The following CTIF variants were observed in gnomAD, a reference collection of about 807,000 sequenced individuals.
CTIF encodes CBP80/20-dependent translation initiation factor.
In CTIF, 21 loss-of-function variants were observed where a neutral mutation model predicts 66.0. That is an observed-to-expected ratio of 0.32 (90% CI 0.23 to 0.46). The LOEUF is 0.46. Ranked by LOEUF, CTIF falls within the 20% of genes least tolerant of loss-of-function variation. CTIF has a pLI of 1.00. For missense variants in CTIF, 739 were observed against 812.7 expected (o/e 0.91, Z 1.10); for synonymous variants, 345 against 326.4 (o/e 1.06, Z -0.62).
intron 1 of CTIF, among the ~76,000 whole-genome samples, chr18:48,618,655 G>A (rs910081943): frequency 6.6e-6 from 1 of 152,194 alleles, no homozygotes; most frequent in Non-Finnish European, 1.5e-5. Context: ...AGCAGAGAGG[G>A]CGGTGGCGGT....
intron 6 of CTIF, among the ~76,000 whole-genome samples, chr18:48,706,373 G>A (rs934351853): frequency 4.6e-5 from 7 of 152,156 alleles, no homozygotes; most frequent in African/African-American, 1.4e-4. Flanking sequence ...GTGGCTGGGA[G>A]CCTGTTGCCT....
At chr18:48,746,957 C>T (rs1907275317) in intron 7 of CTIF, among the ~76,000 whole-genome samples, 1 of 152,152 alleles carries the variant, frequency 6.6e-6, no homozygotes. Flanking sequence ...TCACCAGACC[C>T]CATGTCTCGC....
intron 1 of CTIF, among the ~76,000 whole-genome samples, chr18:48,608,447 G>A (rs2090245001): frequency 6.6e-6 from 1 of 152,032 alleles, no homozygotes; most frequent in Non-Finnish European, 1.5e-5. Flanking sequence ...CTTTGTGACT[G>A]TGCTCCTTGC....
At chr18:48,719,610 CACAA>C (rs1446922012) in intron 7 of CTIF, among the ~76,000 whole-genome samples, 1 of 152,222 alleles carries the variant, frequency 6.6e-6, no homozygotes, top group Non-Finnish European at 1.5e-5. Context: ...GTCATTGACA[CACAA>C]ACAGTGAAAA....
intron 7 of CTIF, among the ~76,000 whole-genome samples, chr18:48,752,221 G>A (rs148904738): frequency 1.0e-3 from 152 of 152,310 alleles, no homozygotes; most frequent in Non-Finnish European, 1.7e-3. Flanking sequence ...TGGAGTGGGG[G>A]AGTCTGCAGC....
intron 3 of CTIF, 41 bp from the exon 4 acceptor site, chr18:48,663,711 C>G: frequency 3.2e-6 from 5 of 1,584,384 alleles, no homozygotes; most frequent in Non-Finnish European, 4.3e-6. Context: ...GCATCCTGGC[C>G]GAGCAATTAA....
At chr18:48,767,254 C>G (rs1045722569) in intron 9 of CTIF, among the ~76,000 whole-genome samples, 3 of 152,142 alleles carry the variant, frequency 2.0e-5, no homozygotes, top group South Asian at 4.1e-4. Flanking sequence ...TGATACAGGG[C>G]GGTGAAGGGG....
chr18:48,652,840 A>G (rs897625290), intron 3 of CTIF, among the ~76,000 whole-genome samples: 3 of 152,216 alleles, frequency 2.0e-5, no homozygotes, highest in African/African-American at 4.8e-5. Flanking sequence ...AAATCAATAA[A>G]TGTAATCCAT....
chr18:48,846,820 T>C (rs1466136263), intron 10 of CTIF, among the ~76,000 whole-genome samples: 1 of 151,048 alleles, frequency 6.6e-6, no homozygotes, highest in Non-Finnish European at 1.5e-5. Context: ...GATGGATGGA[T>C]GGATAGATAG....
At chr18:48,574,213 C>T (rs1253553650) in intron 1 of CTIF, among the ~76,000 whole-genome samples, 5 of 152,188 alleles carry the variant, frequency 3.3e-5, no homozygotes, top group East Asian at 1.9e-4. Flanking sequence ...GCCAGCTGCC[C>T]GGAGTTGCAC....
chr18:48,549,074 G>T (rs1422002832), intron 1 of CTIF, among the ~76,000 whole-genome samples: 1 of 152,156 alleles, frequency 6.6e-6, no homozygotes, highest in Non-Finnish European at 1.5e-5. Context: ...GGACACATGG[G>T]CCAGGGAGGG....
intron 1 of CTIF, among the ~76,000 whole-genome samples, chr18:48,600,317 G>A (rs1039045080): frequency 2.6e-5 from 4 of 152,226 alleles, no homozygotes; most frequent in South Asian, 2.1e-4. Flanking sequence ...TGGCGGTGGC[G>A]ATGAGCTCCG....
intron 6 of CTIF, among the ~76,000 whole-genome samples, chr18:48,703,280 G>T (rs1416548716): frequency 6.6e-6 from 1 of 152,200 alleles, no homozygotes; most frequent in Non-Finnish European, 1.5e-5. Flanking sequence ...CAGGCACTGT[G>T]GGGGCAGACA....
intron 9 of CTIF, among the ~76,000 whole-genome samples, chr18:48,816,597 GTCTTA>G (rs2146322483): frequency 6.6e-6 from 1 of 152,278 alleles, no homozygotes; most frequent in South Asian, 2.1e-4. Context: ...GAATGAATAT[GTCTTA>G]TCTTAGCTCC....
intron 1 of CTIF, among the ~76,000 whole-genome samples, chr18:48,553,812 T>A (rs1445055245): frequency 7.0e-6 from 1 of 142,052 alleles, no homozygotes; most frequent in Non-Finnish European, 1.6e-5. Flanking sequence ...CCCGCCACCA[T>A]GCCCGGCTAA....
chr18:48,636,727 T>A, intron 3 of CTIF, 42 bp downstream of exon 3: 1 of 1,473,192 alleles, frequency 6.8e-7, no homozygotes, highest in Non-Finnish European at 9.0e-7. Context: ...GTGTCCTATG[T>A]CTTGTCTGCC....
intron 6 of CTIF, among the ~76,000 whole-genome samples, chr18:48,691,974 C>T (rs982582047): frequency 3.9e-5 from 6 of 152,162 alleles, no homozygotes; most frequent in East Asian, 3.8e-4. Context: ...GTCTGTCTCC[C>T]GGGTTCAAGC....
rs145785449 is a variant in CTIF, at chr18:48,744,898, C to T, written c.585-13021C>T. On this transcript the variant is annotated intron_variant, in intron 7 of 11. Transcript: ENST00000256413. Reference sequence around the variant, plus strand: ...AGTGCAGTGGCGCAATCTTGGCTCACTGCAAGCTCCGCCTCCCGGATTCAT... The same window carrying T: ...AGTGCAGTGGCGCAATCTTGGCTCATTGCAAGCTCCGCCTCCCGGATTCAT... 4.1e-3 allele frequency among the ~76,000 whole-genome samples: 623 copies of T among 151,702 alleles called. 5 individuals are homozygous for T. The highest frequency in any genetic ancestry group is 0.014 in the African/African-American group (563 of 41,322).
chr18:48,758,954 G>A (rs1207324224), intron 8 of CTIF, among the ~76,000 whole-genome samples: 2 of 151,904 alleles, frequency 1.3e-5, no homozygotes, highest in African/African-American at 4.8e-5. Flanking sequence ...GTGCTCTACA[G>A]TGCACACCGT....
Sources: allele counts gnomAD v4.1 joint callset (sites outside exome capture counted in the v4.1 genomes callset), GRCh38; gene constraint gnomAD v4.1.1; transcripts MANE v1.5; gene names NCBI Gene and HGNC (gene_info 2026-07-23, HGNC 2026-07-21).